PARVG: variants seen among roughly 807,000 people sequenced by gnomAD.
PARVG encodes parvin gamma, also known as gamma-parvin.
A neutral mutation model predicts 44.4 loss-of-function variants in PARVG; 36 were observed. The observed-to-expected ratio is 0.81, with a 90% confidence interval of 0.62 to 1.07. PARVG has a LOEUF of 1.07. Ranked by LOEUF, PARVG falls within the 50% of genes least tolerant of loss-of-function variation. PARVG has a pLI of 0.00. For synonymous variants in PARVG, 170 were observed against 174.1 expected (o/e 0.98, Z 0.19); for missense variants, 407 against 407.4 (o/e 1.00, Z 0.01).
At chr22:44,193,197 T>G (rs2054572532) in intron 8 of PARVG, among the ~76,000 whole-genome samples, 1 of 150,880 alleles carries the variant, frequency 6.6e-6, no homozygotes, top group African/African-American at 2.4e-5. Context: ...TTCTATGGGG[T>G]AGAGGTGGAT....
intron 11 of PARVG, among the ~76,000 whole-genome samples, 158 bp from the exon 12 acceptor site, chr22:44,198,444 GAAACCACTTTTTACCTGCA>G (rs1167273830): frequency 6.6e-6 from 1 of 152,236 alleles, no homozygotes; most frequent in African/African-American, 2.4e-5. Flanking sequence ...CAGGCAGCCT[GAAACCACTTTTTACCTGCA>G]ACCCTGTGAG....
intron 7 of PARVG, 91 bp downstream of exon 7, chr22:44,190,757 C>T (rs1208204273): frequency 2.7e-5 from 30 of 1,104,894 alleles, no homozygotes; most frequent in Admixed American, 1.1e-4. Context: ...CTGGCTGGGG[C>T]GGGGCTGACC....
Position 44,199,852 on chromosome 22 carries a change from GC to G in PARVG, c.813+1131del, listed in dbSNP as rs1170688313. On this transcript the variant is annotated intron_variant, in intron 12 of 13. Coordinates refer to ENST00000444313, the MANE Select transcript of PARVG (RefSeq NM_022141.7). ...TAGGTGCTTCACTCTGGCTAGAGGG[GC>G]TGGAAGGGTGGGGCCTGACCTGGGG... Among the ~76,000 whole-genome samples the G allele has an allele frequency of 3.9e-5, 6 of 152,306 alleles. No individual in the cohort carries two copies. The East Asian group carries it at 9.6e-4, about 24-fold the overall frequency.
intron 4 of PARVG, chr22:44,186,131 A>C: frequency 2.9e-6 from 1 of 348,582 alleles, no homozygotes; most frequent in South Asian, 2.5e-5. Context: ...AGGGGAATCT[A>C]TTATCCCTTA....
chr22:44,201,084 C>T (rs1346906262), intron 12 of PARVG, among the ~76,000 whole-genome samples: 1 of 152,134 alleles, frequency 6.6e-6, no homozygotes, highest in Non-Finnish European at 1.5e-5. Flanking sequence ...CCCTCACATC[C>T]ACGCAGGCTG....
chr22:44,183,185 G>C, intron 2 of PARVG, 133 bp from the exon 3 acceptor site: 4 of 744,074 alleles, frequency 5.4e-6, no homozygotes, highest in Non-Finnish European at 8.4e-6. Flanking sequence ...CCCTGCCTAG[G>C]CTGGCATGCT....
chr22:44,205,090 C>T (rs530068580), intron 12 of PARVG, among the ~76,000 whole-genome samples: 2 of 152,096 alleles, frequency 1.3e-5, no homozygotes, highest in Non-Finnish European at 2.9e-5. Flanking sequence ...GATGCCCGGG[C>T]GCTCTCCACC....
chr22:44,185,838 C>T lies in PARVG; in HGVS notation c.110C>T (p.Ser37Phe), dbSNP rs1258864227. 1.9e-6 allele frequency: 3 copies of T among 1,613,768 alleles called. No homozygotes were observed. The highest frequency in any genetic ancestry group is 2.5e-6 in the Non-Finnish European group (3 of 1,179,792). ...GGKKKYLPPTSRKDPKFEELQ... is the reference protein window; with the variant it reads ...GGKKKYLPPTFRKDPKFEELQ... ...AAGAAGAAATACCTGCCACCCACTT[C>T]CCGGAAGGACCCCAAATTTGAAGAA... The change falls in exon 4 of 14, where the codon TCC (serine) becomes TTC (phenylalanine). Residue 37 changes from serine (S) to phenylalanine (F), a missense_variant. Physicochemically the swap from Ser to Phe is radical, Grantham distance 155. Transcript: ENST00000444313.
At chr22:44,195,353 G>A (rs975328408) in intron 9 of PARVG, among the ~76,000 whole-genome samples, 1 of 152,244 alleles carries the variant, frequency 6.6e-6, no homozygotes, top group South Asian at 2.1e-4. Flanking sequence ...CTGAAACAGA[G>A]AGAGGTGCTG....
At chr22:44,205,704 C>G in intron 12 of PARVG, 53 bp from the exon 13 acceptor site, 2 of 1,606,390 alleles carry the variant, frequency 1.2e-6, no homozygotes, top group Non-Finnish European at 1.7e-6. Flanking sequence ...GACCCAAGGC[C>G]TGGCCTGGGG....
chr22:44,179,190 G>A (rs549344590), upstream of PARVG, among the ~76,000 whole-genome samples: 2 of 151,990 alleles, frequency 1.3e-5, no homozygotes, highest in Non-Finnish European at 2.9e-5. The surrounding 1 kb of genome is among the most constrained non-coding windows in gnomAD (Gnocchi z 4.2). Context: ...GGGGTTTGGG[G>A]GTGCTTGGAC....
intron 4 of PARVG, chr22:44,186,356 T>G: frequency 2.9e-6 from 1 of 346,100 alleles, no homozygotes; most frequent in Non-Finnish European, 5.8e-6. Flanking sequence ...TGGTCATGGG[T>G]CTGCTGCTAT....
Position 44,189,184 on chromosome 22 carries a change from C to T in PARVG, c.318C>T (p.Leu106=), listed in dbSNP as rs1328646656. The change falls in exon 6 of 14, where the codon CTC becomes CTT. Residue 106 remains leucine (L), a synonymous_variant. Coordinates refer to ENST00000444313, the MANE Select transcript of PARVG (RefSeq NM_022141.7). ...ALTATSQKHK[L]TVVLEAVNRS... Reference sequence around the variant, plus strand: ...CAGCCACAAGCCAGAAGCACAAGCTCACAGTGGTGCTGGAGGCCGTGAACC... The same window carrying T: ...CAGCCACAAGCCAGAAGCACAAGCTTACAGTGGTGCTGGAGGCCGTGAACC... 2 of 1,614,134 alleles carry T rather than the reference C, an allele frequency of 1.2e-6. No homozygotes were observed. Among genetic ancestry groups the T allele is most frequent in the Non-Finnish European group, 1.7e-6 (2 of 1,180,046 alleles).
At chr22:44,194,402 C>G (rs1482439261) in intron 9 of PARVG, among the ~76,000 whole-genome samples, 2 of 152,078 alleles carry the variant, frequency 1.3e-5, no homozygotes, top group Non-Finnish European at 2.9e-5. Context: ...CAGCTCTTCC[C>G]CTTCCCATCC....
At position 44,172,961 on chromosome 22, in the gene PARVG, T is replaced by C. The variant is rs565947941; in HGVS notation, c.-419T>C. 1.6e-4 allele frequency: 211 copies of C among 1,286,620 alleles called. No individual in the cohort carries two copies. The African/African-American group carries it at 3.1e-3, about 19-fold the overall frequency. The allele number at this position is 1,286,620 out of a possible 1,614,324, so 79.7% of individuals were successfully genotyped here. On this transcript the variant is annotated 5_prime_UTR_variant, in exon 1 of 14. Transcript: ENST00000422871. The stretch of plus-strand genomic sequence containing the variant: ...AGCATGGGCCTGTCCACCGTCTTTG[T>C]TTGGCTGCTGTTTTAATCTTTCATG...
chr22:44,189,349 CCTT>C, intron 6 of PARVG, 95 bp downstream of exon 6: 2 of 1,514,256 alleles, frequency 1.3e-6, no homozygotes, highest in Non-Finnish European at 1.8e-6. Context: ...GCGCACTCAT[CCTT>C]CTCCCAGCAG....
At chr22:44,191,900 C>T (rs2054553485) in intron 7 of PARVG, 149 bp from the exon 8 acceptor site, 1 of 852,630 alleles carries the variant, frequency 1.2e-6, no homozygotes. Flanking sequence ...GCAGACACAT[C>T]CCCAACCTCA....
rs759108590 is a variant in PARVG, at chr22:44,208,163, G to A, written c.*1737G>A. 1.3e-5 allele frequency: 2 copies of A among 152,086 alleles called. No individual in the cohort carries two copies. Among genetic ancestry groups the A allele is most frequent in the African/African-American group, 2.4e-5 (1 of 41,400 alleles). The allele number at this position is 152,086 out of a possible 1,614,324, so 9.4% of individuals were successfully genotyped here. On this transcript the variant is annotated 3_prime_UTR_variant, in exon 14 of 14. Coordinates refer to ENST00000444313, the MANE Select transcript of PARVG (RefSeq NM_022141.7). ...GGCTGGCTCTGCCTGGCTGTTCCAC[G>A]TCCTCACTCTTGTTCTATTTGACAG...
upstream of PARVG, among the ~76,000 whole-genome samples, chr22:44,176,658 T>A (rs2054321891): frequency 6.6e-6 from 1 of 152,140 alleles, no homozygotes; most frequent in Admixed American, 6.5e-5. Flanking sequence ...TTTTTTTCTT[T>A]TAACATTTTA....
Sources: gnomAD v4.1 joint callset for allele counts (sites outside exome capture counted in the v4.1 genomes callset) on GRCh38, gnomAD v4.1.1 for gene constraint, Gnocchi (gnomAD v3.1) non-coding constraint, MANE v1.5 for transcripts, NCBI Gene and HGNC (gene_info 2026-07-23, HGNC 2026-07-21) for gene names.